MGAM: variants seen among roughly 807,000 people sequenced by gnomAD.
MGAM encodes the protein maltase-glucoamylase.
Under a neutral mutation model 358.8 loss-of-function variants are expected in MGAM, and 253 were observed. That is an observed-to-expected ratio of 0.71 (90% CI 0.64 to 0.78). The LOEUF is 0.78. MGAM is among the 30% of genes least tolerant of loss of function. MGAM has a pLI of 0.00. For missense variants in MGAM, 3,080 were observed against 3,432.6 expected, an observed-to-expected ratio of 0.90 and a Z score of 2.57; for synonymous variants, 1,105 against 1,227.1, an observed-to-expected ratio of 0.90 and a Z score of 2.08.
At chr7:142,006,219 AT>A (rs1294438889) in intron 2 of MGAM, among the ~76,000 whole-genome samples, 167 of 151,458 alleles carry the variant, frequency 1.1e-3, no homozygotes, top group Admixed American at 2.0e-3. Context: ...CCCTTTATAG[AT>A]TTTTTTTTAA....
chr7:142,070,021 A>G (rs28469296), intron 43 of MGAM, among the ~76,000 whole-genome samples: 13,901 of 144,414 alleles, frequency 0.096, 2,014 homozygotes, highest in African/African-American at 0.23. Context: ...GTGAAACCCC[A>G]TCTCTATGAA....
At chr7:142,041,901 TATATTATATATATACGTATAATATATA>T (rs758368688) in intron 21 of MGAM, among the ~76,000 whole-genome samples, 94 of 41,300 alleles carry the variant, frequency 2.3e-3, no homozygotes, top group Middle Eastern at 0.012. Context: ...ATATAATATA[TATATTATATATATACGTATAATATATA>T]ATATATATAT....
intron 16 of MGAM, among the ~76,000 whole-genome samples, chr7:142,035,671 G>A (rs1031881890): frequency 5.3e-5 from 8 of 152,284 alleles, no homozygotes; most frequent in Admixed American, 1.3e-4. Context: ...GGATTGGTGT[G>A]TGGGACTGGA....
rs184102770 is a variant in MGAM at position 141,988,616 on chromosome 7, C to T, written c.-2-16913C>T. ...CTGACCTCAGGTGATCCACCTGCTTCGGCCTCCCAAAGTGCTGGGATTACA... is the reference window on the plus strand; with the variant it reads ...CTGACCTCAGGTGATCCACCTGCTTTGGCCTCCCAAAGTGCTGGGATTACA... On this transcript the variant is annotated intron_variant, in intron 2 of 5. Coordinates refer to the MGAM transcript ENST00000465654. Among the ~76,000 whole-genome samples, 43 of 152,226 alleles carry T rather than the reference C, an allele frequency of 2.8e-4. No homozygotes were observed. The East Asian group carries it at 8.2e-3, about 29-fold the overall frequency.
intron 45 of MGAM, 140 bp from the exon 46 acceptor site, chr7:142,076,063 A>G (rs1422605295): frequency 3.6e-5 from 25 of 697,236 alleles, no homozygotes; most frequent in African/African-American, 5.2e-5. Context: ...AATGAATACA[A>G]TGGAATATTA....
chr7:142,041,949 C>CAT (rs1294862791), intron 21 of MGAM, among the ~76,000 whole-genome samples: 128 of 11,062 alleles, frequency 0.012, 3 homozygotes, highest in African/African-American at 0.034. Context: ...TATATATATA[C>CAT]ATATATATAA....
chr7:142,042,062 TATA>T (rs1808837813), intron 21 of MGAM, among the ~76,000 whole-genome samples: 2 of 73,180 alleles, frequency 2.7e-5, no homozygotes, highest in African/African-American at 1.1e-4. Context: ...TATATATACA[TATA>T]ATATATAACA....
intron 14 of MGAM, 146 bp downstream of exon 14, chr7:142,033,055 T>A (rs976988464): frequency 3.8e-6 from 2 of 521,310 alleles, no homozygotes; most frequent in Admixed American, 3.7e-5. Context: ...TAAGGAAAAC[T>A]AGGAAGGAAA....
At chr7:142,073,905 C>T (rs1813536170) in intron 44 of MGAM, among the ~76,000 whole-genome samples, 180 bp from the exon 45 acceptor site, 1 of 146,180 alleles carries the variant, frequency 6.8e-6, no homozygotes, top group Non-Finnish European at 1.5e-5. Context: ...GTTTCTATCT[C>T]CTGTGACACT....
At chr7:142,101,588 G>C (rs1156508553) in intron 68 of MGAM, among the ~76,000 whole-genome samples, 1 of 151,864 alleles carries the variant, frequency 6.6e-6, no homozygotes, top group African/African-American at 2.4e-5. Flanking sequence ...AGTGGCAACT[G>C]ACTGAGTGGT....
Position 142,083,083 on chromosome 7 carries a change from G to A in MGAM, c.6269-218G>A, listed in dbSNP as rs1368575415. On this transcript the variant is annotated intron_variant, in intron 52 of 70. Coordinates refer to ENST00000475668, the MANE Select transcript of MGAM (RefSeq NM_001365693.1). Reference sequence around the variant, plus strand: ...GTAAACATAATTTTAAGAGTAGAACGACAAAATATAGTAAAATACACCAAA... The same window carrying A: ...GTAAACATAATTTTAAGAGTAGAACAACAAAATATAGTAAAATACACCAAA... Among the ~76,000 whole-genome samples the A allele has an allele frequency of 3.4e-5, 5 of 146,124 alleles. 1 individual carries two copies. Among genetic ancestry groups the A allele is most frequent in the African/African-American group, 7.3e-5 (3 of 41,036 alleles).
rs781804993 is a variant in MGAM, at chr7:142,008,594, A to C, written c.216A>C (p.Thr72=). Residue 72 remains threonine (T), a synonymous_variant, in exon 3 of 71, where the codon ACA becomes ACC. Coordinates refer to ENST00000475668, the MANE Select transcript of MGAM (RefSeq NM_001365693.1). The part of the protein sequence containing the change: ...PGTTGTTHAR[T]TGPPDPGTTG... ...CAACTGGTACCACACATGCTAGGAC[A>C]ACGGGTCCCCCAGATCCTGGAACAA... 1 of 1,613,202 alleles carries C rather than the reference A, an allele frequency of 6.2e-7. No homozygotes were observed. The highest frequency in any genetic ancestry group is 1.1e-5 in the South Asian group (1 of 91,060).
chr7:142,092,439 G>T (rs2129059375), intron 58 of MGAM, 82 bp from the exon 59 acceptor site: 1 of 1,300,940 alleles, frequency 7.7e-7, no homozygotes, highest in South Asian at 1.3e-5. Flanking sequence ...GTTGAACAAT[G>T]TATTCACTGC....
At chr7:141,994,502 G>A (rs1224495404), upstream of MGAM, among the ~76,000 whole-genome samples, 1 of 152,176 alleles carries the variant, frequency 6.6e-6, no homozygotes, top group African/African-American at 2.4e-5. Flanking sequence ...GTGTGTGTTG[G>A]CCTCAAGACT....
At chr7:142,028,882 A>G (rs1554462049) in intron 10 of MGAM, among the ~76,000 whole-genome samples, 1 of 145,216 alleles carries the variant, frequency 6.9e-6, no homozygotes, top group Non-Finnish European at 1.5e-5. Flanking sequence ...ACGTGTCTTT[A>G]TGCATGTGGG....
chr7:142,094,716 A>G, intron 62 of MGAM, 31 bp from the exon 63 acceptor site: 1 of 1,613,236 alleles, frequency 6.2e-7, no homozygotes, highest in South Asian at 1.1e-5. Flanking sequence ...AGAAATCATC[A>G]GCAGGCTCCT....
At chr7:142,061,363 C>T (rs1812182740) in intron 34 of MGAM, among the ~76,000 whole-genome samples, 1 of 152,064 alleles carries the variant, frequency 6.6e-6, no homozygotes, top group African/African-American at 2.4e-5. Flanking sequence ...GTGAAAGGTT[C>T]TCTTTGTCGG....
chr7:142,030,391 G>A lies in MGAM; in HGVS notation c.1251G>A (p.Met417Ile), dbSNP rs782161428. The A allele has an allele frequency of 6.2e-7, 1 of 1,613,314 alleles. No individual in the cohort carries two copies. Among genetic ancestry groups the A allele is most frequent in the Admixed American group, 1.7e-5 (1 of 59,930 alleles). Residue 417 changes from methionine to isoleucine, a missense_variant, in exon 11 of 71, where the codon ATG (methionine) becomes ATA (isoleucine). This residue lies in a region of MGAM where 1,816 missense variants were observed against 1,840.5 expected (regional missense o/e 0.99). Transcript: ENST00000475668. ...TTCAGCATGCTGATATTGATTATAT[G>A]GATGAGAGAAGGGACTTCACTTATG... ...YDVQHADIDY[M>I]DERRDFTYDS...
At chr7:142,056,762 G>A (rs28423084) in intron 29 of MGAM, 68 bp from the exon 30 acceptor site, 22,245 of 1,487,938 alleles carry the variant, frequency 0.015, 1,074 homozygotes, top group African/African-American at 0.13. Context: ...TGGAGAATGT[G>A]TGGATTTCAG....
Sources: allele counts gnomAD v4.1 joint callset (sites outside exome capture counted in the v4.1 genomes callset), GRCh38; gene constraint gnomAD v4.1.1; regional missense constraint gnomAD v4.1.1; transcripts MANE v1.5; gene names NCBI Gene and HGNC (gene_info 2026-07-23, HGNC 2026-07-21).